MAGI2: variants seen among roughly 807,000 people sequenced by gnomAD.
MAGI2 encodes the protein membrane-associated guanylate kinase, WW and PDZ domain-containing protein 2.
Under a neutral mutation model 133.3 loss-of-function variants are expected in MAGI2, and 35 were observed. That is an observed-to-expected ratio of 0.26 (90% CI 0.20 to 0.35). The LOEUF (loss-of-function observed/expected upper bound fraction) is 0.35. Ranked by LOEUF, MAGI2 falls within the 10% of genes least tolerant of loss-of-function variation. MAGI2 has a pLI of 1.00. For synonymous variants in MAGI2, 729 were observed against 710.6 expected (o/e 1.03, Z -0.41); for missense variants, 1,636 against 1,863.4 (o/e 0.88, Z 2.25).
At chr7:78,091,052 ATGTGTGTGTGTG>A (rs3084764) in intron 20 of MAGI2, among the ~76,000 whole-genome samples, 1 of 150,010 alleles carries the variant, frequency 6.7e-6, no homozygotes, top group Non-Finnish European at 1.5e-5. Flanking sequence ...ATGTGTGTGT[ATGTGTGTGTGTG>A]TGTGTGTGTG....
At chr7:78,640,334 A>T (rs1253171947) in intron 2 of MAGI2, among the ~76,000 whole-genome samples, 1 of 152,216 alleles carries the variant, frequency 6.6e-6, no homozygotes, top group African/African-American at 2.4e-5. Flanking sequence ...ACTTGGCTCT[A>T]CAGACTCTCA....
intron 1 of MAGI2, among the ~76,000 whole-genome samples, chr7:79,338,203 A>G (rs2129097249): frequency 6.6e-6 from 1 of 152,238 alleles, no homozygotes; most frequent in Non-Finnish European, 1.5e-5. Flanking sequence ...GAGGTTGTTT[A>G]TTTGTTGCTG....
chr7:78,786,794 CT>C (rs1257081110), intron 2 of MAGI2, among the ~76,000 whole-genome samples: 1 of 152,096 alleles, frequency 6.6e-6, no homozygotes, highest in Admixed American at 6.5e-5. Flanking sequence ...AATTATTCAT[CT>C]TTTTTGTTGT....
intron 21 of MAGI2, among the ~76,000 whole-genome samples, chr7:78,060,231 A>AAAAC (rs74793664): frequency 9.7e-5 from 14 of 144,870 alleles, no homozygotes; most frequent in Middle Eastern, 7.0e-3. Flanking sequence ...AAATTATTTA[A>AAAAC]AAAACAAAAG....
At chr7:78,609,595 CA>C (rs1234477751) in intron 3 of MAGI2, among the ~76,000 whole-genome samples, 1 of 152,176 alleles carries the variant, frequency 6.6e-6, no homozygotes, top group Admixed American at 6.5e-5. Flanking sequence ...CTTGGTTCTG[CA>C]GCTGCTTACC....
chr7:78,852,262 G>A (rs1793207067), intron 2 of MAGI2, among the ~76,000 whole-genome samples: 1 of 151,744 alleles, frequency 6.6e-6, no homozygotes, highest in Non-Finnish European at 1.5e-5. Flanking sequence ...GTTTGCTTTT[G>A]TCTTATTCTT....
intron 2 of MAGI2, among the ~76,000 whole-genome samples, chr7:78,917,928 C>A (rs1798927040): frequency 6.6e-6 from 1 of 152,098 alleles, no homozygotes; most frequent in Non-Finnish European, 1.5e-5. Flanking sequence ...GCTTCCATGC[C>A]CTCTTAGGGC....
intron 1 of MAGI2, among the ~76,000 whole-genome samples, chr7:79,076,219 G>T (rs1274610836): frequency 6.6e-6 from 1 of 152,088 alleles, no homozygotes; most frequent in Non-Finnish European, 1.5e-5. Context: ...GCATCCTAGA[G>T]ATATATTGGC....
intron 2 of MAGI2, among the ~76,000 whole-genome samples, chr7:78,940,104 T>C (rs1031776230): frequency 1.3e-5 from 2 of 152,168 alleles, no homozygotes; most frequent in East Asian, 1.9e-4. Flanking sequence ...TTTCTGTCCA[T>C]AGATACACAT....
At chr7:78,136,119 CTT>C (rs35457952) in intron 16 of MAGI2, among the ~76,000 whole-genome samples, 128 of 141,818 alleles carry the variant, frequency 9.0e-4, no homozygotes, top group Middle Eastern at 3.4e-3. Context: ...TTTCTTTCTT[CTT>C]TTTTTTTTTT....
chr7:78,551,988 G>T (rs1203462784), intron 3 of MAGI2, among the ~76,000 whole-genome samples: 1 of 152,094 alleles, frequency 6.6e-6, no homozygotes, highest in Non-Finnish European at 1.5e-5. Flanking sequence ...CAAGCAACTT[G>T]CCTGCTTTGG....
intron 2 of MAGI2, among the ~76,000 whole-genome samples, chr7:78,709,638 A>G (rs1253107552): frequency 1.3e-5 from 2 of 152,140 alleles, no homozygotes; most frequent in South Asian, 2.1e-4. Flanking sequence ...CCAGTCCTCA[A>G]TGAGTTTCTT....
At chr7:78,554,285 G>A (rs1191540884) in intron 3 of MAGI2, among the ~76,000 whole-genome samples, 1 of 152,202 alleles carries the variant, frequency 6.6e-6, no homozygotes, top group Admixed American at 6.5e-5. Flanking sequence ...GTAAGCGCTT[G>A]TGAAAGTGCT....
intron 16 of MAGI2, among the ~76,000 whole-genome samples, chr7:78,139,048 A>C (rs992845037): frequency 6.6e-6 from 1 of 152,244 alleles, no homozygotes; most frequent in Non-Finnish European, 1.5e-5. Context: ...AAGCCATTTT[A>C]ACTTTATTAG....
intron 1 of MAGI2, among the ~76,000 whole-genome samples, chr7:79,405,233 T>C (rs893653304): frequency 3.3e-5 from 5 of 152,174 alleles, no homozygotes; most frequent in African/African-American, 1.2e-4. Flanking sequence ...ACAATATCCT[T>C]ATAGTATCCA....
intron 10 of MAGI2, among the ~76,000 whole-genome samples, chr7:78,235,496 C>A (rs1790435468): frequency 6.6e-6 from 1 of 152,136 alleles, no homozygotes; most frequent in Admixed American, 6.6e-5. Context: ...CTGTTACCCC[C>A]ATGCTGTTCT....
intron 20 of MAGI2, among the ~76,000 whole-genome samples, chr7:78,090,667 C>A (rs1462129044): frequency 6.6e-6 from 1 of 152,110 alleles, no homozygotes; most frequent in Non-Finnish European, 1.5e-5. Context: ...TAACAAAGGT[C>A]CCTAATATTT....
At chr7:78,573,379 T>TATATATATAC (rs1801924487) in intron 3 of MAGI2, among the ~76,000 whole-genome samples, 2 of 52,322 alleles carry the variant, frequency 3.8e-5, no homozygotes, top group Non-Finnish European at 6.0e-5. Context: ...TATATATATA[T>TATATATATAC]ATATATATAT....
intron 3 of MAGI2, among the ~76,000 whole-genome samples, chr7:78,572,931 C>T (rs1239911130): frequency 1.3e-5 from 2 of 148,804 alleles, no homozygotes; most frequent in African/African-American, 5.0e-5. Flanking sequence ...CGATTACAGG[C>T]ATGAGCCACC....
Sources: gnomAD v4.1 joint callset for allele counts (sites outside exome capture counted in the v4.1 genomes callset) on GRCh38, gnomAD v4.1.1 for gene constraint, MANE v1.5 for transcripts, NCBI Gene and HGNC (gene_info 2026-07-23, HGNC 2026-07-21) for gene names.